JAK2: variants seen among roughly 807,000 people sequenced by gnomAD.
The protein encoded by JAK2 is Janus kinase 2, also known as tyrosine-protein kinase JAK2.
A neutral mutation model predicts 139.3 loss-of-function variants in JAK2; 86 were observed. The ratio of observed to expected loss-of-function variants is 0.62; its 90% CI spans 0.52 to 0.74. The LOEUF is 0.74. JAK2 is among the 30% of genes least tolerant of loss of function. The pLI is 0.00. For missense variants in JAK2, 1,421 were observed against 1,360.3 expected, an observed-to-expected ratio of 1.04 and a Z score of -0.70; for synonymous variants, 490 against 437.7, an observed-to-expected ratio of 1.12 and a Z score of -1.49.
At chr9:5,068,030 C>T (rs1212763815) in intron 10 of JAK2, among the ~76,000 whole-genome samples, 2 of 151,682 alleles carry the variant, frequency 1.3e-5, no homozygotes, top group Non-Finnish European at 2.9e-5. Flanking sequence ...CATGGTGGTG[C>T]GCACCTGTAG....
chr9:5,075,234 C>G (rs1340130760), intron 14 of JAK2, among the ~76,000 whole-genome samples: 1 of 152,058 alleles, frequency 6.6e-6, no homozygotes, highest in East Asian at 1.9e-4. Context: ...GAAGCTACAG[C>G]AAGTTATCCA....
At position 5,073,795 on chromosome 9, in the gene JAK2, A is replaced by G. The variant is rs762383755; in HGVS notation, c.1864+10A>G. 1 of 1,549,914 alleles carries G rather than the reference A, an allele frequency of 6.5e-7. No individual in the cohort carries two copies. The highest frequency in any genetic ancestry group is 1.4e-5 in the African/African-American group (1 of 73,344). ...GTCTGTGGAGACGAGAGTAAGTAAA[A>G]CTACAGGCTTTCTAATGCCTTTCTC... On this transcript the variant is annotated intron_variant, in intron 14 of 24. Transcript: ENST00000381652.
intron 23 of JAK2, among the ~76,000 whole-genome samples, chr9:5,125,468 C>T (rs924454527): frequency 3.3e-5 from 5 of 151,280 alleles, no homozygotes; most frequent in Admixed American, 1.3e-4. Flanking sequence ...CTTCAGTGAA[C>T]ATAGTGAACA....
intron 14 of JAK2, among the ~76,000 whole-genome samples, chr9:5,075,241 T>C (rs1217093330): frequency 6.6e-6 from 1 of 152,198 alleles, no homozygotes; most frequent in African/African-American, 2.4e-5. Flanking sequence ...CAGCAAGTTA[T>C]CCAGAAGATC....
chr9:5,036,121 C>T (rs1586676180), intron 4 of JAK2, among the ~76,000 whole-genome samples: 1 of 152,192 alleles, frequency 6.6e-6, no homozygotes, highest in African/African-American at 2.4e-5. Context: ...TGAGTGAACT[C>T]CCATTCACAA....
intron 4 of JAK2, among the ~76,000 whole-genome samples, chr9:5,040,579 T>G (rs567890885): frequency 6.6e-6 from 1 of 152,378 alleles, no homozygotes; most frequent in East Asian, 1.9e-4. Context: ...GATAATTGTC[T>G]TATCTCCAGA....
intron 5 of JAK2, among the ~76,000 whole-genome samples, chr9:5,047,778 T>G (rs933594289): frequency 5.9e-5 from 9 of 151,958 alleles, no homozygotes; most frequent in Non-Finnish European, 1.3e-4. Flanking sequence ...TTAGTTTTGG[T>G]TTTGTGGAGA....
At chr9:5,008,436 A>C (rs1821463664) in intron 2 of JAK2, among the ~76,000 whole-genome samples, 1 of 152,214 alleles carries the variant, frequency 6.6e-6, no homozygotes, top group Non-Finnish European at 1.5e-5. Context: ...AAGGGCTGGC[A>C]CTTTTGGTGA....
rs537302475 is a variant in JAK2, at chr9:5,034,696, C to G, written c.350+4790C>G. Among the ~76,000 whole-genome samples the G allele has an allele frequency of 3.6e-3, 543 of 151,948 alleles. 3 individuals carry two copies. Among genetic ancestry groups the G allele is most frequent in the African/African-American group, 0.013 (521 of 41,356 alleles). On this transcript the variant is annotated intron_variant, in intron 4 of 24. Coordinates refer to ENST00000381652, the MANE Select transcript of JAK2 (RefSeq NM_004972.4). The stretch of plus-strand genomic sequence containing the variant: ...AGATGTTCTTTGAAACCAACGAGAA[C>G]AAAGACACAACATACCAGAATCTCT...
At chr9:5,116,981 T>C (rs939474371) in intron 22 of JAK2, among the ~76,000 whole-genome samples, 3 of 152,360 alleles carry the variant, frequency 2.0e-5, no homozygotes, top group South Asian at 2.1e-4. Flanking sequence ...ATTGGTTGAA[T>C]TGACCTCTCC....
At chr9:5,069,256 T>G in intron 11 of JAK2, 48 bp downstream of exon 11, 1 of 1,320,352 alleles carries the variant, frequency 7.6e-7, no homozygotes, top group Non-Finnish European at 1.1e-6. Flanking sequence ...ATGGATTGTT[T>G]ATGTGGCGTG....
At chr9:5,081,988 C>G in intron 19 of JAK2, 127 bp downstream of exon 19, 1 of 765,042 alleles carries the variant, frequency 1.3e-6, no homozygotes, top group Non-Finnish European at 2.1e-6. Flanking sequence ...GTTTGGTTGT[C>G]AGATGTTGGA....
chr9:5,076,996 G>A (rs947544172), intron 14 of JAK2, among the ~76,000 whole-genome samples: 3 of 151,878 alleles, frequency 2.0e-5, no homozygotes, highest in Non-Finnish European at 1.5e-5. Context: ...ATTTTTTGCA[G>A]AATTAAAAGA....
At chr9:5,084,480 G>C (rs1819930824) in intron 19 of JAK2, among the ~76,000 whole-genome samples, 1 of 152,010 alleles carries the variant, frequency 6.6e-6, no homozygotes, top group Non-Finnish European at 1.5e-5. Context: ...ATTCCAAAGA[G>C]GGATATATAT....
At chr9:5,017,064 A>G (rs1822114601) in intron 2 of JAK2, among the ~76,000 whole-genome samples, 1 of 152,236 alleles carries the variant, frequency 6.6e-6, no homozygotes, top group Non-Finnish European at 1.5e-5. Context: ...CAAGTTTTAA[A>G]CTACTTGAGG....
At chr9:5,055,923 T>C in intron 8 of JAK2, 135 bp downstream of exon 8, 1 of 722,224 alleles carries the variant, frequency 1.4e-6, no homozygotes. Flanking sequence ...AAACATCAGT[T>C]CAGTAAACTT....
intron 8 of JAK2, among the ~76,000 whole-genome samples, chr9:5,064,604 C>T (rs370674651): frequency 6.6e-6 from 1 of 151,674 alleles, no homozygotes; most frequent in East Asian, 1.9e-4. Flanking sequence ...AGATTTCTAG[C>T]TGAGATAACT....
chr9:5,029,077 T>G (rs60221565), intron 3 of JAK2, among the ~76,000 whole-genome samples: 37,391 of 152,202 alleles, frequency 0.25, 4,935 homozygotes, highest in South Asian at 0.31. Context: ...CCTTCCTCAC[T>G]TAGTTTAATT....
intron 14 of JAK2, among the ~76,000 whole-genome samples, chr9:5,075,726 C>T (rs1020571911): frequency 1.3e-5 from 2 of 152,188 alleles, no homozygotes; most frequent in Admixed American, 6.5e-5. Flanking sequence ...GGTGACACAA[C>T]ATCCATTCTG....
Sources: allele counts gnomAD v4.1 joint callset (sites outside exome capture counted in the v4.1 genomes callset), GRCh38; gene constraint gnomAD v4.1.1; transcripts MANE v1.5; gene names NCBI Gene and HGNC (gene_info 2026-07-23, HGNC 2026-07-21).